Variants in REN observed in about 807,000 individuals in gnomAD.
REN encodes the protein renin, also known as angiotensin-forming enzyme.
REN carries 42 observed loss-of-function variants against 48.6 expected under a neutral mutation model. The ratio of observed to expected loss-of-function variants is 0.86; its 90% confidence interval spans 0.68 to 1.12. The LOEUF (loss-of-function observed/expected upper bound fraction) is 1.12, where lower values mean the gene tolerates loss of function less well. Among genes scored for constraint, REN ranks in the 50% most tolerant of loss-of-function variants. REN has a pLI of 0.00. For synonymous variants in REN, 196 were observed against 204.6 expected (o/e 0.96, Z 0.36); for missense variants, 443 against 527.3 (o/e 0.84, Z 1.57).
At chr1:204,158,254 C>T (rs1282583641) in intron 5 of REN, among the ~76,000 whole-genome samples, 1 of 152,030 alleles carries the variant, frequency 6.6e-6, no homozygotes, top group African/African-American at 2.4e-5. Flanking sequence ...TTCTAAAGAC[C>T]ACCCCTGAAT....
In REN at chr1:204,155,937, AG is replaced by A; in HGVS notation, c.961-20del. 2 of 1,598,812 alleles carry A rather than the reference AG, an allele frequency of 1.3e-6. No individual in the cohort carries two copies. The highest frequency in any genetic ancestry group is 2.2e-5 in the South Asian group (2 of 90,750). On this transcript the variant is annotated intron_variant, in intron 8 of 9. Transcript: ENST00000272190. ...CGACATACTGGGGTGGGGGGCAAAG[AG>A]AGCCTTCTTGAGTATGGAAGACGTC...
chr1:204,162,047 G>C lies in REN; in HGVS notation c.215C>G (p.Thr72Ser). 6.2e-7 allele frequency: 1 copy of C among 1,614,168 alleles called. No homozygotes were observed. The highest frequency in any genetic ancestry group is 1.1e-5 in the South Asian group (1 of 91,062). ...GTTGGTGAGGATCACGGAGGAGGTG[G>C]TGTTGCCAAGTGTCAGCCTCTTCAT... The part of the protein sequence containing the change: ...QPMKRLTLGN[T>S]TSSVILTNYM... Residue 72 changes from threonine (T) to serine (S), a missense_variant, in exon 2 of 10, where the codon ACC becomes AGC. Thr to Ser is a moderately conservative substitution (Grantham distance 58, BLOSUM62 1). Transcript: ENST00000272190.
At chr1:204,160,257 G>A (rs1021479571) in intron 4 of REN, among the ~76,000 whole-genome samples, 1 of 152,228 alleles carries the variant, frequency 6.6e-6, no homozygotes, top group African/African-American at 2.4e-5. Flanking sequence ...CCCAGTCAGA[G>A]CTGGTGAACT....
Position 204,159,389 on chromosome 1 carries a change from C to T in REN, c.689+10G>A, listed in dbSNP as rs1393183928. On this transcript the variant is annotated intron_variant, in intron 5 of 9. Transcript: ENST00000272190. ...CCCCCCACCTCAGCCCTTGGAGTCC[C>T]AGTCCCCACCTGTTGTAGTAGAAAG... 6.2e-7 allele frequency: 1 copy of T among 1,613,388 alleles called. No individual in the cohort carries two copies. Among genetic ancestry groups the T allele is most frequent in the East Asian group, 2.2e-5 (1 of 44,884 alleles).
In REN at chr1:204,159,402, T is replaced by C; in HGVS notation, c.686A>G (p.Asn229Ser). The change falls in exon 5 of 10, where the codon AAC (asparagine) becomes AGC (serine). Residue 229 changes from asparagine to serine, a missense_variant. Coordinates refer to ENST00000272190, the MANE Select transcript of REN (RefSeq NM_000537.4). ...LKEDVFSFYYNRDSENSQSLG... is the reference protein window; with the variant it reads ...LKEDVFSFYYSRDSENSQSLG... ...CCCTTGGAGTCCCAGTCCCCACCTG[T>C]TGTAGTAGAAAGAGAAGACGTCCTC... The C allele has an allele frequency of 6.2e-7, 1 of 1,608,270 alleles. No homozygotes were observed. The highest frequency in any genetic ancestry group is 8.5e-7 in the Non-Finnish European group (1 of 1,175,710).
In REN at chr1:204,166,204, G is replaced by A; in HGVS notation, c.90C>T (p.Thr30=). The change falls in exon 1 of 10, where the codon ACC becomes ACT. Residue 30 remains threonine, a synonymous_variant. Transcript: ENST00000272190. ...CCTGAGTTACCAATTACCGTTTAAA[G>A]GTGGTGGTGTCTGTCGGGAGACCAA... The part of the protein sequence containing the change: ...CTFGLPTDTT[T]FKRIFLKRMP... The A allele has an allele frequency of 1.2e-6, 2 of 1,613,892 alleles. No homozygotes were observed. The highest frequency in any genetic ancestry group is 1.7e-6 in the Non-Finnish European group (2 of 1,179,748).
In REN at chr1:204,156,079, G is replaced by A; in HGVS notation, c.960+99C>T. ...TGTGTGGAGAGTGTGAGGTGAACAA[G>A]CGAAGGCCTGAGATGGCCTCATTTG... On this transcript the variant is annotated intron_variant, in intron 8 of 9. Transcript: ENST00000272190. The surrounding 1 kb of genome is among the most constrained non-coding windows in gnomAD (Gnocchi z 4.2). 2 of 1,564,880 alleles carry A rather than the reference G, an allele frequency of 1.3e-6. No homozygotes were observed. The highest frequency in any genetic ancestry group is 8.8e-7 in the Non-Finnish European group (1 of 1,137,158).
chr1:204,156,937 G>A lies in REN; in HGVS notation c.699-141C>T, dbSNP rs368292245. The A allele has an allele frequency of 6.3e-6, 7 of 1,106,486 alleles. No individual in the cohort carries two copies. Among genetic ancestry groups the A allele is most frequent in the African/African-American group, 4.6e-5 (3 of 65,148 alleles). The allele number at this position is 1,106,486 out of a possible 1,614,324, so 68.5% of individuals were successfully genotyped here. On this transcript the variant is annotated intron_variant, in intron 6 of 9. Coordinates refer to ENST00000272190, the MANE Select transcript of REN (RefSeq NM_000537.4). This position sits in a 1 kb window ranked among gnomAD's most constrained non-coding sequence, Gnocchi z 4.2. ...GAATGTGGGACAGACAGCCAGGCTC[G>A]GAGCTGTCGTTGGGAAGCATGCAGA... is the stretch of plus-strand genomic sequence containing the variant.
In REN at chr1:204,165,598, C is replaced by CT. The variant is rs201481443; in HGVS notation, c.98+597dup. 8.2e-3 allele frequency among the ~76,000 whole-genome samples: 1,205 copies of CT among 146,394 alleles called. 9 individuals carry two copies. Among genetic ancestry groups the CT allele is most frequent in the African/African-American group, 0.012 (496 of 40,154 alleles). ...ACTGTACCCATGCCCCGACCCCCGT[C>CT]TTTTTTTTTTTTGAGATGGAGTCTT... On this transcript the variant is annotated intron_variant, in intron 1 of 9. Transcript: ENST00000272190.
rs1231784131 is a variant in REN at position 204,156,055 on chromosome 1, G to T, written c.960+123C>A. ...CCGCCCCATGGGTGACCAGCCACAT[G>T]TGTGGAGAGTGTGAGGTGAACAAGC... On this transcript the variant is annotated intron_variant, in intron 8 of 9. Coordinates refer to ENST00000272190, the MANE Select transcript of REN (RefSeq NM_000537.4). The surrounding 1 kb of genome is among the most constrained non-coding windows in gnomAD (Gnocchi z 4.2). 3 of 1,490,696 alleles carry T rather than the reference G, an allele frequency of 2.0e-6. No individual in the cohort carries two copies. The highest frequency in any genetic ancestry group is 2.8e-6 in the Non-Finnish European group (3 of 1,070,386). The allele number at this position is 1,490,696 out of a possible 1,614,324, so 92.3% of individuals were successfully genotyped here. A position where few individuals can be genotyped will look rare whatever the true frequency, so the allele number is the denominator to read the frequency against.
At chr1:204,159,954 G>A (rs1658214148) in intron 4 of REN, among the ~76,000 whole-genome samples, 1 of 152,174 alleles carries the variant, frequency 6.6e-6, no homozygotes, top group Non-Finnish European at 1.5e-5. Flanking sequence ...GGTTTCTTTA[G>A]CACAGACAAG....
intron 2 of REN, among the ~76,000 whole-genome samples, chr1:204,161,746 C>A (rs1033092197): frequency 6.6e-6 from 1 of 152,126 alleles, no homozygotes; most frequent in East Asian, 1.9e-4. Flanking sequence ...GAGTCACACA[C>A]CCCTTCCCAC....
Position 204,156,154 on chromosome 1 carries a change from C to T in REN, c.960+24G>A, listed in dbSNP as rs1658145095. On this transcript the variant is annotated intron_variant, in intron 8 of 9. Transcript: ENST00000272190. This position sits in a 1 kb window ranked among gnomAD's most constrained non-coding sequence, Gnocchi z 4.2. ...CAGGTGGCGCTCCCCCCACCCACAG[C>T]ACCTTCCCTCTTTGGCTTCTTACAT... 6.2e-7 allele frequency: 1 copy of T among 1,614,152 alleles called. No homozygotes were observed. Among genetic ancestry groups the T allele is most frequent in the African/African-American group, 1.3e-5 (1 of 75,066 alleles).
intron 1 of REN, among the ~76,000 whole-genome samples, chr1:204,165,120 T>C (rs1017083308): frequency 5.3e-5 from 8 of 152,064 alleles, no homozygotes; most frequent in African/African-American, 1.4e-4. Flanking sequence ...TACAGGCATG[T>C]GCCACCACGC....
At chr1:204,162,315 A>C (rs1658263663) in intron 1 of REN, 152 bp from the exon 2 acceptor site, 27 of 796,644 alleles carry the variant, frequency 3.4e-5, no homozygotes, top group Non-Finnish European at 5.6e-5. Context: ...GGGCCTCTGG[A>C]GCATTTATAA....
chr1:204,155,772 C>A, intron 9 of REN, 48 bp downstream of exon 9: 1 of 1,358,916 alleles, frequency 7.4e-7, no homozygotes, highest in South Asian at 1.2e-5. Context: ...TTGAGGGTCT[C>A]TGTCCAGCCT....
rs1346758202 is a variant in REN, at chr1:204,155,094, C to T, written c.1143G>A (p.Leu381=). The change falls in exon 10 of 10, where the codon CTG becomes CTA. Residue 381 remains leucine (L), a synonymous_variant. Transcript: ENST00000272190. The part of the protein sequence containing the change: ...IPPPTGPTWA[L]GATFIRKFYT... ...AGAACTTTCGGATGAAGGTGGCCCC[C>T]AGGGCCCAGGTGGGTCCAGTGGGTG... The T allele has an allele frequency of 1.7e-5, 27 of 1,614,000 alleles. No individual in the cohort carries two copies. Among genetic ancestry groups the T allele is most frequent in the Non-Finnish European group, 2.3e-5 (27 of 1,180,032 alleles).
In REN at chr1:204,156,926, C is replaced by T; in HGVS notation, c.699-130G>A. The T allele has an allele frequency of 8.3e-7, 1 of 1,200,990 alleles. No homozygotes were observed. The highest frequency in any genetic ancestry group is 1.2e-6 in the Non-Finnish European group (1 of 820,844). The allele number at this position is 1,200,990 out of a possible 1,614,324, so 74.4% of individuals were successfully genotyped here. A position where few individuals can be genotyped will look rare whatever the true frequency, so the allele number is the denominator to read the frequency against. ...CTAGAGCAGAGGAATGTGGGACAGACAGCCAGGCTCGGAGCTGTCGTTGGG... is the reference window on the plus strand; with the variant it reads ...CTAGAGCAGAGGAATGTGGGACAGATAGCCAGGCTCGGAGCTGTCGTTGGG... On this transcript the variant is annotated intron_variant, in intron 6 of 9. Coordinates refer to ENST00000272190, the MANE Select transcript of REN (RefSeq NM_000537.4). This position sits in a 1 kb window ranked among gnomAD's most constrained non-coding sequence, Gnocchi z 4.2.
In REN at chr1:204,156,660, G is replaced by C. The variant is rs772997571; in HGVS notation, c.818+17C>G. Reference sequence around the variant, plus strand: ...GCAGCATTTTTTGGAGCCCGGGGAGGGTTGAGGATTTCTGACCCCTTCATT... The same window carrying C: ...GCAGCATTTTTTGGAGCCCGGGGAGCGTTGAGGATTTCTGACCCCTTCATT... On this transcript the variant is annotated intron_variant, in intron 7 of 9. Coordinates refer to ENST00000272190, the MANE Select transcript of REN (RefSeq NM_000537.4). The surrounding 1 kb of genome is among the most constrained non-coding windows in gnomAD (Gnocchi z 4.2). 1.1e-5 allele frequency: 18 copies of C among 1,613,972 alleles called. No homozygotes were observed. The Admixed American group carries it at 1.8e-4, about 16-fold the overall frequency.
Sources: allele counts gnomAD v4.1 joint callset (sites outside exome capture counted in the v4.1 genomes callset), GRCh38; gene constraint gnomAD v4.1.1; non-coding constraint Gnocchi (gnomAD v3.1); transcripts MANE v1.5; gene names NCBI Gene and HGNC (gene_info 2026-07-23, HGNC 2026-07-21).